NOTCH2: variants seen among roughly 807,000 people sequenced by gnomAD.
The protein encoded by NOTCH2 is notch receptor 2, also known as neurogenic locus notch homolog protein 2.
A neutral mutation model predicts 235.8 loss-of-function variants in NOTCH2; 29 were observed. The ratio of observed to expected loss-of-function variants is 0.12; its 90% CI spans 0.09 to 0.17. NOTCH2 has a LOEUF of 0.17. NOTCH2 is among the 10% of genes least tolerant of loss of function. NOTCH2 has a pLI of 1.00. For missense variants in NOTCH2, 2,285 were observed against 3,150.2 expected, an observed-to-expected ratio of 0.73 and a Z score of 6.57; for synonymous variants, 1,086 against 1,141.5, an observed-to-expected ratio of 0.95 and a Z score of 0.98.
chr1:119,983,646 T>C (rs1395045516), intron 5 of NOTCH2, among the ~76,000 whole-genome samples: 1 of 152,196 alleles, frequency 6.6e-6, no homozygotes, highest in African/African-American at 2.4e-5. Flanking sequence ...TTTGATTGTT[T>C]CAATATCCCA....
At chr1:119,969,824 T>C in intron 5 of NOTCH2, 80 bp from the exon 6 acceptor site, 1 of 1,238,034 alleles carries the variant, frequency 8.1e-7, no homozygotes, top group Non-Finnish European at 1.2e-6. Context: ...ACACTCTTCA[T>C]CTTCATGTGA....
intron 5 of NOTCH2, among the ~76,000 whole-genome samples, chr1:119,979,031 G>A (rs1651708238): frequency 6.6e-6 from 1 of 152,154 alleles, no homozygotes; most frequent in African/African-American, 2.4e-5. Flanking sequence ...AACTGCTCCT[G>A]TACACTCAAG....
At chr1:119,988,752 T>C (rs1397855022) in intron 4 of NOTCH2, among the ~76,000 whole-genome samples, 1 of 152,160 alleles carries the variant, frequency 6.6e-6, no homozygotes, top group African/African-American at 2.4e-5. Context: ...TCTGGTGGTG[T>C]AGTAGAAGGT....
Position 119,923,825 on chromosome 1 carries a change from T to C in NOTCH2, c.4671A>G (p.Gln1557=), listed in dbSNP as rs1649371812. ...AGAAGCTGCGAGCATCCTGGAGCAG[T>C]TGTTCAGGTGGCATCAATACCACAA... ...LVIVVLMPPE[Q]LLQDARSFLR... Residue 1557 remains glutamine (Q), a synonymous_variant, in exon 26 of 34, where the codon CAA becomes CAG. Transcript: ENST00000256646. The C allele has an allele frequency of 2.5e-6, 4 of 1,614,152 alleles. No homozygotes were observed. In the East Asian group the frequency reaches 8.9e-5, roughly 36 times the overall value.
Position 119,915,926 on chromosome 1 carries a change from C to G in NOTCH2, c.6796G>C (p.Glu2266Gln). 6.2e-7 allele frequency: 1 copy of G among 1,614,158 alleles called. No homozygotes were observed. The highest frequency in any genetic ancestry group is 1.3e-5 in the African/African-American group (1 of 75,038). The change falls in exon 34 of 34, where the codon GAG (glutamate) becomes CAG (glutamine). Residue 2266 changes from glutamate (E) to glutamine (Q), a missense_variant. By Grantham distance (29) the Glu-to-Gln change is conservative (BLOSUM62 2). Around this residue, in one of 6 missense-constraint regions of NOTCH2, gnomAD observed 504 missense variants for 538.0 expected, o/e 0.94. Transcript: ENST00000256646. The stretch of plus-strand genomic sequence containing the variant: ...GGAGCCAGGACCATACCAAACATCT[C>G]ATTGTACTGGGTCTCATTCACCTCC... Reference protein sequence around the residue: ...RMEVNETQYNEMFGMVLAPAE... With the variant: ...RMEVNETQYNQMFGMVLAPAE...
intron 1 of NOTCH2, among the ~76,000 whole-genome samples, chr1:120,038,953 G>T (rs1373724173): frequency 6.6e-6 from 1 of 151,972 alleles, no homozygotes; most frequent in Non-Finnish European, 1.5e-5. Context: ...AGGTTGAATG[G>T]AAGCCAAAAT....
intron 12 of NOTCH2, among the ~76,000 whole-genome samples, chr1:119,958,222 C>T (rs931733890): frequency 5.3e-5 from 8 of 152,196 alleles, no homozygotes; most frequent in South Asian, 2.1e-4. Flanking sequence ...CATCAGGCTA[C>T]TACAGCAGCA....
intron 25 of NOTCH2, among the ~76,000 whole-genome samples, chr1:119,924,493 G>A (rs1649397306): frequency 6.6e-6 from 1 of 152,156 alleles, no homozygotes; most frequent in African/African-American, 2.4e-5. Context: ...GGTAAAGGCA[G>A]ATGGGTATGT....
intron 5 of NOTCH2, 113 bp downstream of exon 5, chr1:119,986,847 A>T: frequency 7.3e-7 from 1 of 1,367,268 alleles, no homozygotes; most frequent in Non-Finnish European, 1.0e-6. Context: ...CTCAGTTCAC[A>T]TACTGGTTCC....
intron 18 of NOTCH2, 53 bp from the exon 19 acceptor site, chr1:119,940,809 T>C: frequency 6.8e-7 from 1 of 1,463,966 alleles, no homozygotes; most frequent in Non-Finnish European, 9.6e-7. Flanking sequence ...TGTGACTTAC[T>C]ACTACAAAGT....
At chr1:119,985,703 A>G (rs1215977929) in intron 5 of NOTCH2, among the ~76,000 whole-genome samples, 1 of 152,206 alleles carries the variant, frequency 6.6e-6, no homozygotes, top group Non-Finnish European at 1.5e-5. Flanking sequence ...AAATTTTTCC[A>G]GTTACTATAT....
At chr1:119,950,557 T>C (rs1553197626) in intron 15 of NOTCH2, 167 bp downstream of exon 15, 2 of 706,918 alleles carry the variant, frequency 2.8e-6, no homozygotes, top group Non-Finnish European at 5.2e-6. Flanking sequence ...GAGGCCACAA[T>C]GTTTCCTCAA....
chr1:119,925,480 G>A lies in NOTCH2; in HGVS notation c.4336C>T (p.His1446Tyr). ...TCACCCCCATCCCACTGGCAGGCAT[G>A]GCTGTTGCAGGCCTCATCACAGACG... is the stretch of plus-strand genomic sequence containing the variant. The part of the protein sequence containing the change: ...DGVCDEACNS[H>Y]ACQWDGGDCS... The change falls in exon 25 of 34, where the codon CAT becomes TAT. Residue 1446 changes from histidine (H) to tyrosine (Y), a missense_variant. His to Tyr is a moderately conservative substitution (Grantham distance 83). This residue lies in a region of NOTCH2 where 1,173 missense variants were observed against 1,515.3 expected (regional missense o/e 0.77). Coordinates refer to ENST00000256646, the MANE Select transcript of NOTCH2 (RefSeq NM_024408.4). 1 of 1,614,176 alleles carries A rather than the reference G, an allele frequency of 6.2e-7. No individual in the cohort carries two copies. The highest frequency in any genetic ancestry group is 8.5e-7 in the Non-Finnish European group (1 of 1,180,038).
rs587698457 is a variant in NOTCH2, at chr1:119,965,383, G to A, written c.1681+70C>T. On this transcript the variant is annotated intron_variant, in intron 10 of 33. Coordinates refer to ENST00000256646, the MANE Select transcript of NOTCH2 (RefSeq NM_024408.4). Reference sequence around the variant, plus strand: ...CTGGCCTGGCACAGCAGCTAGCAGAGGACAGGGACAATCACCCTATTTTGT... The same window carrying A: ...CTGGCCTGGCACAGCAGCTAGCAGAAGACAGGGACAATCACCCTATTTTGT... 1,044 of 1,164,476 alleles carry A rather than the reference G, an allele frequency of 9.0e-4. 10 individuals carry two copies. Among genetic ancestry groups the A allele is most frequent in the South Asian group, 5.0e-3 (410 of 82,144 alleles). The allele number at this position is 1,164,476 out of a possible 1,614,324, so 72.1% of individuals were successfully genotyped here. A position where few individuals can be genotyped will look rare whatever the true frequency, so the allele number is the denominator to read the frequency against.
intron 23 of NOTCH2, 104 bp from the exon 24 acceptor site, chr1:119,926,715 T>G: frequency 1.2e-6 from 1 of 856,198 alleles, no homozygotes; most frequent in Non-Finnish European, 1.9e-6. Context: ...GTGAAGCAAG[T>G]GTGAGAGAGT....
chr1:119,965,425 A>C (rs781800325), intron 10 of NOTCH2, 28 bp downstream of exon 10: 4 of 1,540,290 alleles, frequency 2.6e-6, no homozygotes, highest in Non-Finnish European at 2.7e-6. Flanking sequence ...GGACCTACCA[A>C]GGAGATGAAA....
At chr1:119,931,119 A>G (rs1435455865) in intron 22 of NOTCH2, among the ~76,000 whole-genome samples, 2 of 151,692 alleles carry the variant, frequency 1.3e-5, no homozygotes, top group African/African-American at 4.8e-5. Flanking sequence ...AAAAAAAAAA[A>G]AGGTACAAAA....
chr1:120,010,116 C>CT (rs1200679942), intron 2 of NOTCH2, among the ~76,000 whole-genome samples: 2 of 151,806 alleles, frequency 1.3e-5, no homozygotes, highest in African/African-American at 4.8e-5. Flanking sequence ...AACTTCATCT[C>CT]TTTAAGTTGT....
In NOTCH2 at chr1:120,069,365, C is replaced by G. The variant is rs1553217925; in HGVS notation, c.42G>C (p.Ala14=). 1 of 1,570,800 alleles carries G rather than the reference C, an allele frequency of 6.4e-7. No homozygotes were observed. The highest frequency in any genetic ancestry group is 8.6e-7 in the Non-Finnish European group (1 of 1,166,934). ...LRPALLWALL[A]LWLCCAAPAH... Reference sequence around the variant, plus strand: ...CGGGGGCCGCGCAGCACAGCCAGAGCGCCAGCAGCGCCCACAGCAGAGCGG... The same window carrying G: ...CGGGGGCCGCGCAGCACAGCCAGAGGGCCAGCAGCGCCCACAGCAGAGCGG... The change falls in exon 1 of 34, where the codon GCG becomes GCC. Residue 14 remains alanine (A), a synonymous_variant. Coordinates refer to ENST00000256646, the MANE Select transcript of NOTCH2 (RefSeq NM_024408.4).
Sources: gnomAD v4.1 joint callset for allele counts (sites outside exome capture counted in the v4.1 genomes callset) on GRCh38, gnomAD v4.1.1 for gene constraint, gnomAD v4.1.1 regional missense constraint, MANE v1.5 for transcripts, NCBI Gene and HGNC (gene_info 2026-07-23, HGNC 2026-07-21) for gene names.